Variants in LYN observed in about 807,000 individuals in gnomAD.
LYN encodes LYN proto-oncogene, Src family tyrosine kinase.
In LYN, 12 loss-of-function variants were observed where a neutral mutation model predicts 65.0. The observed-to-expected ratio is 0.18, with a 90% CI of 0.12 to 0.30. The LOEUF is 0.30. Among genes scored for constraint, LYN ranks in the 10% least tolerant of loss-of-function variants. The probability of loss-of-function intolerance (pLI) is 1.00; values close to 1 mark genes in which losing one functional copy is unlikely to be tolerated. For synonymous variants in LYN, 222 were observed against 221.2 expected, an observed-to-expected ratio of 1.00 and a Z score of -0.03; for missense variants, 380 against 623.2, an observed-to-expected ratio of 0.61 and a Z score of 4.16.
intron 12 of LYN, among the ~76,000 whole-genome samples, chr8:56,007,082 T>C (rs1254850676): frequency 6.6e-6 from 1 of 152,162 alleles, no homozygotes; most frequent in Non-Finnish European, 1.5e-5. Flanking sequence ...AAAAATCTGC[T>C]GTGGGGCTAG....
At chr8:55,882,097 G>A (rs1245823400) in intron 1 of LYN, among the ~76,000 whole-genome samples, 1 of 152,180 alleles carries the variant, frequency 6.6e-6, no homozygotes, top group Non-Finnish European at 1.5e-5. Context: ...CACATTTAGT[G>A]TGGGTAACTA....
chr8:55,935,971 C>A (rs562547586), intron 1 of LYN, among the ~76,000 whole-genome samples: 3 of 152,086 alleles, frequency 2.0e-5, no homozygotes, highest in Non-Finnish European at 4.4e-5. Context: ...AGAAAGCATT[C>A]AACTCTTCTG....
intron 1 of LYN, among the ~76,000 whole-genome samples, chr8:55,894,798 G>A (rs545341988): frequency 1.3e-5 from 2 of 151,896 alleles, no homozygotes; most frequent in South Asian, 2.1e-4. Flanking sequence ...GCCTCCCAAA[G>A]TTCTGGGATT....
chr8:55,975,442 A>T (rs1042702608), intron 10 of LYN, among the ~76,000 whole-genome samples: 1 of 152,212 alleles, frequency 6.6e-6, no homozygotes, highest in African/African-American at 2.4e-5. Flanking sequence ...ATATTGCATG[A>T]CTAAGGACAT....
intron 1 of LYN, among the ~76,000 whole-genome samples, chr8:55,924,506 G>A (rs1004965569): frequency 6.6e-6 from 1 of 151,330 alleles, no homozygotes; most frequent in African/African-American, 2.4e-5. Flanking sequence ...GGGATTACAG[G>A]CGTCCACCCA....
chr8:55,917,697 A>G (rs1322601888), intron 1 of LYN, among the ~76,000 whole-genome samples: 1 of 152,214 alleles, frequency 6.6e-6, no homozygotes, highest in Admixed American at 6.5e-5. Context: ...TCCAGTGTCT[A>G]TTGCATAATA....
chr8:55,917,886 A>G (rs1433854228), intron 1 of LYN, among the ~76,000 whole-genome samples: 2 of 152,340 alleles, frequency 1.3e-5, no homozygotes, highest in East Asian at 3.9e-4. Flanking sequence ...TGACTGTGTA[A>G]AAAGATTAAT....
chr8:55,887,560 AT>A (rs1321032032), intron 1 of LYN, among the ~76,000 whole-genome samples: 1 of 31,512 alleles, frequency 3.2e-5, no homozygotes, highest in Non-Finnish European at 5.6e-5. Flanking sequence ...AAATATAAAT[AT>A]ATATATATAT....
intron 4 of LYN, among the ~76,000 whole-genome samples, chr8:55,948,850 G>T (rs1806857639): frequency 6.6e-6 from 1 of 152,298 alleles, no homozygotes; most frequent in East Asian, 1.9e-4. Context: ...TAGATCATGG[G>T]GTTGATGTGA....
At chr8:55,994,885 A>G (rs954395104) in intron 10 of LYN, among the ~76,000 whole-genome samples, 4 of 152,084 alleles carry the variant, frequency 2.6e-5, no homozygotes, top group Non-Finnish European at 4.4e-5. Flanking sequence ...CCTGTAACCA[A>G]CTCTGGTCTG....
intron 1 of LYN, among the ~76,000 whole-genome samples, chr8:55,906,385 C>T (rs778430140): frequency 6.6e-6 from 1 of 151,856 alleles, no homozygotes; most frequent in South Asian, 2.1e-4. Context: ...TTCAATCTGT[C>T]GCCCAGACTG....
chr8:55,922,278 G>C (rs1476099287), intron 1 of LYN, among the ~76,000 whole-genome samples: 3 of 151,952 alleles, frequency 2.0e-5, no homozygotes, highest in Non-Finnish European at 4.4e-5. Flanking sequence ...TTTATAGAGA[G>C]GGGGTCTCAC....
At position 55,880,055 on chromosome 8, in the gene LYN, C is replaced by T. The variant is rs1303821393; in HGVS notation, c.-54C>T. 1.3e-5 allele frequency: 4 copies of T among 317,966 alleles called. No individual in the cohort carries two copies. The highest frequency in any genetic ancestry group is 4.0e-5 in the Admixed American group (1 of 24,838). The allele number at this position is 317,966 out of a possible 1,614,324, so 19.7% of individuals were successfully genotyped here. A position where few individuals can be genotyped will look rare whatever the true frequency, so the allele number is the denominator to read the frequency against. On this transcript the variant is annotated 5_prime_UTR_variant, in exon 1 of 13. Transcript: ENST00000519728. ...GCCCCGTCGCGCCCCCCACTCTGAACTCAAGTCACCGTGGAGCTCCGCCGC... is the reference window on the plus strand; with the variant it reads ...GCCCCGTCGCGCCCCCCACTCTGAATTCAAGTCACCGTGGAGCTCCGCCGC...
chr8:55,880,653 G>C (rs1804626840), intron 1 of LYN, among the ~76,000 whole-genome samples: 1 of 152,224 alleles, frequency 6.6e-6, no homozygotes, highest in Admixed American at 6.5e-5. Context: ...GGTGGCCCCG[G>C]GCAGGAGCGT....
At chr8:55,965,391 C>T (rs74625967) in intron 8 of LYN, among the ~76,000 whole-genome samples, 1,658 of 152,210 alleles carry the variant, frequency 0.011, 29 homozygotes, top group African/African-American at 0.038. Flanking sequence ...GGGAGTGGCT[C>T]CCTGTCCTTT....
intron 1 of LYN, among the ~76,000 whole-genome samples, chr8:55,918,086 T>C (rs1484225025): frequency 6.6e-6 from 1 of 152,190 alleles, no homozygotes; most frequent in South Asian, 2.1e-4. Flanking sequence ...GTCTGGGCTG[T>C]GGTAGCGGCA....
chr8:55,951,313 C>T (rs1471990495), intron 6 of LYN, among the ~76,000 whole-genome samples: 2 of 151,828 alleles, frequency 1.3e-5, no homozygotes, highest in Non-Finnish European at 2.9e-5. Flanking sequence ...CAGTTCTTAC[C>T]AGGCTTTGTT....
chr8:55,884,385 G>A (rs1237096576), intron 1 of LYN, among the ~76,000 whole-genome samples: 1 of 152,062 alleles, frequency 6.6e-6, no homozygotes, highest in Non-Finnish European at 1.5e-5. Context: ...GATTACAGGT[G>A]TGAGCCACTG....
intron 10 of LYN, among the ~76,000 whole-genome samples, chr8:55,988,481 T>A (rs1450751575): frequency 6.6e-6 from 1 of 152,164 alleles, no homozygotes; most frequent in Non-Finnish European, 1.5e-5. Flanking sequence ...CTTATTAATA[T>A]TGTTATTTTA....
Sources: allele counts gnomAD v4.1 joint callset (sites outside exome capture counted in the v4.1 genomes callset), GRCh38; gene constraint gnomAD v4.1.1; transcripts MANE v1.5; gene names NCBI Gene and HGNC (gene_info 2026-07-23, HGNC 2026-07-21).